Variants in RBL2 observed in about 807,000 individuals in gnomAD.
RBL2 encodes the protein retinoblastoma-like protein 2.
Under a neutral mutation model 126.0 loss-of-function variants are expected in RBL2, and 56 were observed. That is an observed-to-expected ratio of 0.44 (90% CI 0.36 to 0.56). RBL2 has a LOEUF of 0.56. RBL2 is among the 20% of genes least tolerant of loss of function. RBL2 has a pLI of 0.00. For missense variants in RBL2, 1,229 were observed against 1,398.2 expected (o/e 0.88, Z 1.93); for synonymous variants, 454 against 478.5 (o/e 0.95, Z 0.67).
intron 17 of RBL2, among the ~76,000 whole-genome samples, chr16:53,473,907 A>AT (rs879804338): frequency 7.3e-5 from 11 of 151,526 alleles, no homozygotes; most frequent in East Asian, 3.9e-4. Flanking sequence ...TCGTGTGCTT[A>AT]TTTTTTTTAT....
chr16:53,447,161 TATTA>T (rs1030344964), intron 4 of RBL2, 55 bp downstream of exon 4: 11 of 1,041,572 alleles, frequency 1.1e-5, no homozygotes, highest in South Asian at 9.1e-5. Flanking sequence ...CATTTTCAGG[TATTA>T]ATTTTGTCAA....
chr16:53,473,575 T>C (rs960275398), intron 17 of RBL2, among the ~76,000 whole-genome samples: 17 of 151,786 alleles, frequency 1.1e-4, no homozygotes, highest in Non-Finnish European at 2.2e-4. Context: ...TTAGGATTAC[T>C]ATGTAGGAAA....
intron 5 of RBL2, among the ~76,000 whole-genome samples, chr16:53,452,908 G>A (rs1420936588): frequency 1.3e-5 from 2 of 152,048 alleles, no homozygotes; most frequent in Non-Finnish European, 2.9e-5. Flanking sequence ...GGACTCAAGC[G>A]ATGTACCCAC....
intron 20 of RBL2, chr16:53,481,027 C>T: frequency 3.2e-6 from 1 of 313,012 alleles, no homozygotes; most frequent in Non-Finnish European, 6.1e-6. Flanking sequence ...GGCGTGGTGG[C>T]ACACACTTGT....
At chr16:53,441,515 A>T (rs2058016015) in intron 2 of RBL2, among the ~76,000 whole-genome samples, 1 of 152,244 alleles carries the variant, frequency 6.6e-6, no homozygotes, top group Non-Finnish European at 1.5e-5. Flanking sequence ...TTGTATGTTC[A>T]TATGAAAGAA....
At chr16:53,446,987 T>C in intron 3 of RBL2, 55 bp from the exon 4 acceptor site, 2 of 1,059,318 alleles carry the variant, frequency 1.9e-6, no homozygotes, top group South Asian at 1.8e-5. Context: ...TCATTTGGGA[T>C]TTTTTTTTCT....
chr16:53,443,986 C>T (rs796791247), intron 3 of RBL2, among the ~76,000 whole-genome samples: 4 of 152,210 alleles, frequency 2.6e-5, no homozygotes, highest in Non-Finnish European at 2.9e-5. Flanking sequence ...GGTTGGCTCA[C>T]GCCTGTAATC....
intron 14 of RBL2, among the ~76,000 whole-genome samples, chr16:53,468,483 C>CT (rs1172041283): frequency 6.6e-6 from 1 of 152,112 alleles, no homozygotes; most frequent in Non-Finnish European, 1.5e-5. Context: ...CTTTCTTAGT[C>CT]TATTTTTGTA....
intron 19 of RBL2, 196 bp downstream of exon 19, chr16:53,480,187 T>C: frequency 1.8e-6 from 1 of 553,976 alleles, no homozygotes; most frequent in Non-Finnish European, 3.2e-6. Context: ...GTAACATTTT[T>C]CTCCAGGAGA....
chr16:53,452,123 A>T (rs2058121662), intron 5 of RBL2, among the ~76,000 whole-genome samples: 1 of 152,216 alleles, frequency 6.6e-6, no homozygotes, highest in South Asian at 2.1e-4. Context: ...ATTAAAGCCG[A>T]TGATGTTTTT....
chr16:53,487,748 G>A (rs1218564164), intron 21 of RBL2: 2 of 152,140 alleles, frequency 1.3e-5, no homozygotes, highest in African/African-American at 4.8e-5. Flanking sequence ...ACCAGCCATA[G>A]ACTATTAGAA....
At position 53,465,418 on chromosome 16, in the gene RBL2, C is replaced by T. The variant is rs753548411; in HGVS notation, c.1699-20C>T. ...AATATTTAATAATTATTCAGTGAAC[C>T]AAGACATTTTTTATTTCAGGTGATA... On this transcript the variant is annotated intron_variant, in intron 12 of 21. Coordinates refer to ENST00000262133, the MANE Select transcript of RBL2 (RefSeq NM_005611.4). 4.4e-6 allele frequency: 6 copies of T among 1,373,592 alleles called. No individual in the cohort carries two copies. The highest frequency in any genetic ancestry group is 2.7e-5 in the East Asian group (1 of 36,506). The allele number at this position is 1,373,592 out of a possible 1,614,324, so 85.1% of individuals were successfully genotyped here. A position where few individuals can be genotyped will look rare whatever the true frequency, so the allele number is the denominator to read the frequency against.
intron 17 of RBL2, among the ~76,000 whole-genome samples, chr16:53,478,325 T>A (rs1175608005): frequency 2.0e-5 from 3 of 152,210 alleles, no homozygotes; most frequent in Non-Finnish European, 1.5e-5. Context: ...TTATCCTACC[T>A]GGAAGTCACT....
chr16:53,438,261 G>A (rs1271550213), intron 1 of RBL2, among the ~76,000 whole-genome samples: 1 of 152,036 alleles, frequency 6.6e-6, no homozygotes, highest in African/African-American at 2.4e-5. Flanking sequence ...AGCTCGTTGG[G>A]CATCTCTGTA....
At chr16:53,450,497 G>T (rs557743356) in intron 4 of RBL2, among the ~76,000 whole-genome samples, 4 of 152,112 alleles carry the variant, frequency 2.6e-5, no homozygotes, top group Non-Finnish European at 4.4e-5. Flanking sequence ...TACATGTGCA[G>T]TGTTTAACTA....
In RBL2 at chr16:53,447,173, C is replaced by T. The variant is rs914528427; in HGVS notation, c.637+67C>T. ...TTACATTTTCAGGTATTAATTTTGTCAACTTCTAATATGTATCAGGAAAAG... is the reference window on the plus strand; with the variant it reads ...TTACATTTTCAGGTATTAATTTTGTTAACTTCTAATATGTATCAGGAAAAG... On this transcript the variant is annotated intron_variant, in intron 4 of 21. Coordinates refer to ENST00000262133, the MANE Select transcript of RBL2 (RefSeq NM_005611.4). 5.6e-6 allele frequency: 5 copies of T among 897,902 alleles called. No homozygotes were observed. The African/African-American group carries it at 6.9e-5, about 12-fold the overall frequency. The allele number at this position is 897,902 out of a possible 1,614,324, so 55.6% of individuals were successfully genotyped here. A position where few individuals can be genotyped will look rare whatever the true frequency, so the allele number is the denominator to read the frequency against.
chr16:53,434,799 G>C lies in RBL2; in HGVS notation c.240+3G>C. On this transcript the variant is annotated splice_donor_region_variant and intron_variant, in intron 1 of 21. Transcript: ENST00000262133. ...TGAGCGAAAGCTACACGCTGGAGGT[G>C]CGCTCGCGGGCGGAGGGGCGCTTCC... The C allele has an allele frequency of 6.7e-7, 1 of 1,488,578 alleles. No homozygotes were observed. The highest frequency in any genetic ancestry group is 1.2e-5 in the South Asian group (1 of 81,112). 92.2% of individuals were successfully genotyped at this position (1,488,578 alleles called of 1,614,324 possible).
At chr16:53,461,313 T>C (rs2058218152) in intron 9 of RBL2, among the ~76,000 whole-genome samples, 1 of 152,054 alleles carries the variant, frequency 6.6e-6, no homozygotes, top group Admixed American at 6.5e-5. Context: ...GCCAACATGG[T>C]GAAACCCCAT....
intron 2 of RBL2, among the ~76,000 whole-genome samples, chr16:53,441,895 A>T (rs891414222): frequency 7.2e-5 from 11 of 152,026 alleles, no homozygotes; most frequent in Non-Finnish European, 1.3e-4. Context: ...ATCTCGGCTC[A>T]CTGCAACCTC....
Sources: gnomAD v4.1 joint callset for allele counts (sites outside exome capture counted in the v4.1 genomes callset) on GRCh38, gnomAD v4.1.1 for gene constraint, MANE v1.5 for transcripts, NCBI Gene and HGNC (gene_info 2026-07-23, HGNC 2026-07-21) for gene names.